The following PARP2 variants were observed in gnomAD, a reference collection of about 807,000 sequenced individuals.
PARP2 encodes poly [ADP-ribose] polymerase 2.
Under a neutral mutation model 77.8 loss-of-function variants are expected in PARP2, and 57 were observed. That is an observed-to-expected ratio of 0.73 (90% CI 0.59 to 0.91). The LOEUF (loss-of-function observed/expected upper bound fraction) is 0.91, where lower values mean the gene tolerates loss of function less well. PARP2 is among the 40% of genes least tolerant of loss of function. The probability of loss-of-function intolerance (pLI) is 0.00; values close to 1 mark genes in which losing one functional copy is unlikely to be tolerated. For missense variants in PARP2, 651 were observed against 689.0 expected, an observed-to-expected ratio of 0.94 and a Z score of 0.62; for synonymous variants, 226 against 242.6, an observed-to-expected ratio of 0.93 and a Z score of 0.64.
At chr14:20,348,911 C>T (rs1372723991) in intron 4 of PARP2, among the ~76,000 whole-genome samples, 3 of 151,666 alleles carry the variant, frequency 2.0e-5, no homozygotes, top group African/African-American at 4.9e-5. Context: ...CCCAGCTACT[C>T]GGGAGGTTGA....
rs747453800 is a variant in PARP2 at position 20,354,950 on chromosome 14, A to G, written c.902+3A>G. 6.2e-7 allele frequency: 1 copy of G among 1,612,388 alleles called. No individual in the cohort carries two copies. The highest frequency in any genetic ancestry group is 8.5e-7 in the Non-Finnish European group (1 of 1,179,040). ...ACCAGGATTCCGCATGACTTTGGGT[A>G]AGGCCTGTGCTGTTACTTCACTTTG... On this transcript the variant is annotated splice_donor_region_variant and intron_variant, in intron 9 of 15. Transcript: ENST00000429687.
At chr14:20,345,236 C>T (rs1883670835) in intron 2 of PARP2, 149 bp downstream of exon 2, 11 of 1,026,584 alleles carry the variant, frequency 1.1e-5, no homozygotes, top group Non-Finnish European at 1.5e-5. Context: ...CACTAATCTA[C>T]TGCCTTGAAT....
chr14:20,355,366 T>A (rs1038291262), intron 9 of PARP2: 1 of 183,434 alleles, frequency 5.5e-6, no homozygotes, highest in African/African-American at 2.4e-5. Context: ...CGATTTCTAT[T>A]TCTTTTATAG....
intron 5 of PARP2, 64 bp from the exon 6 acceptor site, chr14:20,350,983 A>C: frequency 1.6e-6 from 2 of 1,224,130 alleles, no homozygotes; most frequent in Non-Finnish European, 2.4e-6. Context: ...TTAAGCAGAG[A>C]GATCTTGGAG....
intron 3 of PARP2, among the ~76,000 whole-genome samples, chr14:20,345,910 A>G (rs1215664434): frequency 1.3e-5 from 2 of 151,902 alleles, no homozygotes; most frequent in Non-Finnish European, 2.9e-5. Context: ...CAGAGAGAGA[A>G]AGAGAGAATG....
chr14:20,349,837 G>C (rs534876916), intron 4 of PARP2, among the ~76,000 whole-genome samples: 4 of 152,204 alleles, frequency 2.6e-5, no homozygotes, highest in African/African-American at 9.6e-5. Context: ...TCCATATCCA[G>C]GGCTCGGCCA....
intron 8 of PARP2, 37 bp downstream of exon 8, chr14:20,354,284 T>C (rs1431372285): frequency 2.7e-6 from 4 of 1,506,852 alleles, no homozygotes; most frequent in Admixed American, 1.7e-5. Context: ...TCTCTCCTTA[T>C]AATTCCTAGC....
rs569548648 is a variant in PARP2 at position 20,357,453 on chromosome 14, C to T, written c.1486C>T (p.Leu496Phe). Residue 496 changes from leucine to phenylalanine, a missense_variant, in exon 15 of 16, where the codon CTT (leucine) becomes TTT (phenylalanine). Transcript: ENST00000429687. Reference protein sequence around the residue: ...LEANPKAEGLLQGKHSTKGLG... With the variant: ...LEANPKAEGLFQGKHSTKGLG... ...GGCCAATCCTAAGGCCGAAGGATTG[C>T]TTCAAGGTAAACATAGCACCAAGGG... 2.5e-6 allele frequency: 4 copies of T among 1,613,918 alleles called. No individual in the cohort carries two copies. The highest frequency in any genetic ancestry group is 2.2e-5 in the South Asian group (2 of 91,066).
At chr14:20,352,117 T>C (rs1241753011) in intron 6 of PARP2, 128 bp from the exon 7 acceptor site, 4 of 510,052 alleles carry the variant, frequency 7.8e-6, no homozygotes, top group Non-Finnish European at 1.4e-5. Flanking sequence ...AATTTTGATT[T>C]ATGGAAAGTT....
intron 4 of PARP2, among the ~76,000 whole-genome samples, chr14:20,347,356 GTATATATATA>G (rs774986716): frequency 0.027 from 785 of 29,552 alleles, 39 homozygotes; most frequent in Middle Eastern, 0.033. Context: ...ATGTGTGTGT[GTATATATATA>G]TATATATATA....
chr14:20,346,978 AT>A, intron 4 of PARP2, 65 bp downstream of exon 4: 1 of 984,454 alleles, frequency 1.0e-6, no homozygotes, highest in East Asian at 2.4e-5. Context: ...ATTATTGATG[AT>A]AGCATCACAG....
chr14:20,352,422 C>G, intron 7 of PARP2, 75 bp downstream of exon 7: 6 of 907,436 alleles, frequency 6.6e-6, no homozygotes, highest in African/African-American at 1.7e-5. Context: ...AAACTGTGCT[C>G]TGTTGCCCAG....
chr14:20,343,739 G>A (rs769281148), intron 1 of PARP2, 52 bp downstream of exon 1: 18 of 1,571,954 alleles, frequency 1.1e-5, no homozygotes, highest in East Asian at 2.3e-5. Context: ...CAGTCAGAAA[G>A]GAACGATGCC....
At position 20,344,679 on chromosome 14, in the gene PARP2, G is replaced by A. The variant is rs558924511; in HGVS notation, c.47-253G>A. ...AATACAAAAATTAACTGGGCATGGT[G>A]GTGCACGCCTGTAATCCCAGCTACT... On this transcript the variant is annotated intron_variant, in intron 1 of 15. Transcript: ENST00000429687. Among the ~76,000 whole-genome samples, 9 of 152,276 alleles carry A rather than the reference G, an allele frequency of 5.9e-5. No homozygotes were observed. In the South Asian group the frequency reaches 1.7e-3, roughly 28 times the overall value.
At position 20,345,036 on chromosome 14, in the gene PARP2, C is replaced by A; in HGVS notation, c.151C>A (p.Pro51Thr). The A allele has an allele frequency of 6.2e-7, 1 of 1,613,872 alleles. No homozygotes were observed. The highest frequency in any genetic ancestry group is 1.3e-5 in the African/African-American group (1 of 75,020). Reference protein sequence around the residue: ...RCQRQESKKMPVAGGKANKDR... With the variant: ...RCQRQESKKMTVAGGKANKDR... ...CCAGAGACAGGAGTCGAAAAAGATG[C>A]CTGTGGCTGGAGGAAAAGCTAATAA... Residue 51 changes from proline to threonine, a missense_variant, in exon 2 of 16, where the codon CCT becomes ACT. Physicochemically the swap from Pro to Thr is conservative, Grantham distance 38. Coordinates refer to ENST00000429687, the MANE Select transcript of PARP2 (RefSeq NM_001042618.2).
chr14:20,345,703 G>A (rs1165595287), intron 3 of PARP2, among the ~76,000 whole-genome samples: 1 of 152,136 alleles, frequency 6.6e-6, no homozygotes, highest in Non-Finnish European at 1.5e-5. Flanking sequence ...AGAAATACCT[G>A]AGACTAGGTA....
At chr14:20,355,483 T>G (rs1443108134) in intron 9 of PARP2, 1 of 266,400 alleles carries the variant, frequency 3.8e-6, no homozygotes. Flanking sequence ...TCAATATAAC[T>G]TATTTTTAAA....
chr14:20,356,023 G>C lies in PARP2; in HGVS notation c.1093G>C (p.Glu365Gln), dbSNP rs760883631. 12 of 1,613,602 alleles carry C rather than the reference G, an allele frequency of 7.4e-6. No homozygotes were observed. Among genetic ancestry groups the C allele is most frequent in the Non-Finnish European group, 1.0e-5 (12 of 1,179,816 alleles). ...GCGCCCCCTTGACCATGAAAGTTAT[G>C]AGTTCAAAGTAAGAAAAATGATCAT... ...ALRPLDHESY[E>Q]FKVISQYLQS... Residue 365 changes from glutamate (E) to glutamine (Q), a missense_variant, in exon 11 of 16, where the codon GAG becomes CAG. Transcript: ENST00000429687.
At chr14:20,352,066 A>C (rs1883973353) in intron 6 of PARP2, among the ~76,000 whole-genome samples, 179 bp from the exon 7 acceptor site, 1 of 152,146 alleles carries the variant, frequency 6.6e-6, no homozygotes, top group Non-Finnish European at 1.5e-5. Context: ...TTGTCTCCAG[A>C]GCTTTTTTGT....
Sources: allele counts gnomAD v4.1 joint callset (sites outside exome capture counted in the v4.1 genomes callset), GRCh38; gene constraint gnomAD v4.1.1; transcripts MANE v1.5; gene names NCBI Gene and HGNC (gene_info 2026-07-23, HGNC 2026-07-21).